STIM2: variants seen among roughly 807,000 people sequenced by gnomAD.
STIM2 encodes the protein stromal interaction molecule 2.
In STIM2, 31 loss-of-function variants were observed where a neutral mutation model predicts 85.8. That is an observed-to-expected ratio of 0.36 (90% CI 0.27 to 0.49). STIM2 has a LOEUF of 0.49. STIM2 is among the 20% of genes least tolerant of loss of function. STIM2 has a pLI of 0.98. For missense variants in STIM2, 841 were observed against 927.6 expected, an observed-to-expected ratio of 0.91 and a Z score of 1.21; for synonymous variants, 356 against 331.1, an observed-to-expected ratio of 1.08 and a Z score of -0.82.
Position 27,010,042 on chromosome 4 carries a change from A to G in STIM2, c.1489+1040A>G, listed in dbSNP as rs565334509. Among the ~76,000 whole-genome samples the G allele has an allele frequency of 3.3e-5, 5 of 152,332 alleles. No homozygotes were observed. In the East Asian group the frequency reaches 7.7e-4, roughly 24 times the overall value. The stretch of plus-strand genomic sequence containing the variant: ...TCCATATGTCCGTTAAAAGGAAACA[A>G]TTGTACTAAATGTGAATAATTATTC... On this transcript the variant is annotated intron_variant, in intron 10 of 11. Coordinates refer to ENST00000467087, the MANE Select transcript of STIM2 (RefSeq NM_020860.4).
intron 1 of STIM2, among the ~76,000 whole-genome samples, chr4:26,917,564 C>T (rs1122045): frequency 2.1e-5 from 3 of 145,812 alleles, no homozygotes; most frequent in African/African-American, 5.0e-5. Flanking sequence ...TTATGAAATA[C>T]GCCTATTTAA....
rs541976941 is a variant in STIM2 at position 26,861,469 on chromosome 4, G to C, written c.151+100G>C. 36 of 1,233,188 alleles carry C rather than the reference G, an allele frequency of 2.9e-5. 1 individual carries two copies. In the South Asian group the frequency reaches 8.0e-4, roughly 27 times the overall value. 76.4% of individuals were successfully genotyped at this position (1,233,188 alleles called of 1,614,324 possible). On this transcript the variant is annotated intron_variant, in intron 1 of 11. Coordinates refer to ENST00000467087, the MANE Select transcript of STIM2 (RefSeq NM_020860.4). ...CTCCGCCGGACGTCCGCTATTCCGC[G>C]GCTCCGGCCAGGGCGCGATGCGGAG...
intron 3 of STIM2, among the ~76,000 whole-genome samples, chr4:26,988,811 AG>A (rs1418552803): frequency 3.3e-5 from 5 of 152,236 alleles, no homozygotes; most frequent in Non-Finnish European, 7.3e-5. Flanking sequence ...GAAAGTTCTT[AG>A]GGCCATTCTT....
At chr4:26,910,799 G>A (rs1328362438) in intron 1 of STIM2, among the ~76,000 whole-genome samples, 1 of 152,168 alleles carries the variant, frequency 6.6e-6, no homozygotes, top group Admixed American at 6.5e-5. Context: ...GAGATCAGCA[G>A]GAATTTAAGT....
At chr4:26,960,175 T>G (rs1726394575) in intron 3 of STIM2, among the ~76,000 whole-genome samples, 1 of 152,210 alleles carries the variant, frequency 6.6e-6, no homozygotes, top group Non-Finnish European at 1.5e-5. Context: ...TCTGTTATAT[T>G]TTGTTTCTGT....
intron 4 of STIM2, among the ~76,000 whole-genome samples, chr4:26,997,785 G>T (rs572091844): frequency 6.6e-5 from 10 of 152,346 alleles, no homozygotes; most frequent in Admixed American, 6.5e-4. Context: ...TGTTAAAGGT[G>T]TAAGGGAAGC....
intron 3 of STIM2, 25 bp downstream of exon 3, chr4:26,957,751 C>T (rs2109093601): frequency 6.9e-7 from 1 of 1,452,164 alleles, no homozygotes. Context: ...GTGATCTGGC[C>T]CCCTCCCCTT....
chr4:26,871,414 C>T (rs1301317972), intron 1 of STIM2, among the ~76,000 whole-genome samples: 2 of 151,944 alleles, frequency 1.3e-5, no homozygotes, highest in South Asian at 2.1e-4. Flanking sequence ...TGTCCAATGG[C>T]CTTATGAGTT....
intron 2 of STIM2, among the ~76,000 whole-genome samples, chr4:26,948,624 A>T (rs1725933616): frequency 1.3e-5 from 2 of 152,156 alleles, no homozygotes; most frequent in African/African-American, 2.4e-5. Flanking sequence ...ACCCCTCCCC[A>T]AAACTTCATA....
chr4:26,886,875 G>C (rs1723270530), intron 1 of STIM2, among the ~76,000 whole-genome samples: 1 of 152,194 alleles, frequency 6.6e-6, no homozygotes, highest in African/African-American at 2.4e-5. Context: ...TCTAGTCTTA[G>C]AGCAGGGAGA....
At chr4:26,880,136 C>A (rs2109035409) in intron 1 of STIM2, among the ~76,000 whole-genome samples, 1 of 152,294 alleles carries the variant, frequency 6.6e-6, no homozygotes, top group East Asian at 1.9e-4. Context: ...CCCTGTCTAC[C>A]TTTGTAGCTT....
In STIM2 at chr4:26,988,951, G is replaced by T. The variant is rs116001742; in HGVS notation, c.398-6428G>T. Reference sequence around the variant, plus strand: ...TTTAAATGAAATTTTTCTTTGGAGTGGGGGACGGAGTCTCACTCTGTCTCC... The same window carrying T: ...TTTAAATGAAATTTTTCTTTGGAGTTGGGGACGGAGTCTCACTCTGTCTCC... On this transcript the variant is annotated intron_variant, in intron 3 of 11. Transcript: ENST00000467087. 2.0e-3 allele frequency among the ~76,000 whole-genome samples: 306 copies of T among 152,204 alleles called. 1 individual carries two copies. The highest frequency in any genetic ancestry group is 7.0e-3 in the African/African-American group (292 of 41,550).
At position 26,860,951 on chromosome 4, in the gene STIM2, G is replaced by A; in HGVS notation, c.-268G>A. The A allele has an allele frequency of 1.7e-6, 2 of 1,206,686 alleles. No homozygotes were observed. The highest frequency in any genetic ancestry group is 2.1e-6 in the Non-Finnish European group (2 of 958,600). The allele number at this position is 1,206,686 out of a possible 1,614,324, so 74.7% of individuals were successfully genotyped here. ...TTTTTTTTTTTTTTTTTAAATAACCGGAACCAATGAACGCAGCCGGGATCA... is the reference window on the plus strand; with the variant it reads ...TTTTTTTTTTTTTTTTTAAATAACCAGAACCAATGAACGCAGCCGGGATCA... On this transcript the variant is annotated 5_prime_UTR_variant, in exon 1 of 12. Transcript: ENST00000467087.
At chr4:26,886,076 A>C (rs1291020446) in intron 1 of STIM2, among the ~76,000 whole-genome samples, 2 of 151,860 alleles carry the variant, frequency 1.3e-5, no homozygotes, top group African/African-American at 4.8e-5. Flanking sequence ...TCATAATTTG[A>C]GGTTCAGTGG....
In STIM2 at chr4:26,917,348, T is replaced by C. The variant is rs1481714504; in HGVS notation, c.152-2156T>C. 1.3e-5 allele frequency among the ~76,000 whole-genome samples: 2 copies of C among 152,194 alleles called. 1 individual carries two copies. Among genetic ancestry groups the C allele is most frequent in the East Asian group, 3.8e-4 (2 of 5,200 alleles). ...AGTCCCCAGTAAAATATAAGTTTTATGAGGATTTTTGTCTGTTTTGTTCAC... is the reference window on the plus strand; with the variant it reads ...AGTCCCCAGTAAAATATAAGTTTTACGAGGATTTTTGTCTGTTTTGTTCAC... On this transcript the variant is annotated intron_variant, in intron 1 of 11. Transcript: ENST00000467087.
intron 3 of STIM2, among the ~76,000 whole-genome samples, chr4:26,972,685 A>G (rs1341202478): frequency 1.3e-5 from 2 of 152,148 alleles, no homozygotes; most frequent in Non-Finnish European, 2.9e-5. Flanking sequence ...GATCAGGGAT[A>G]TTGGTCTAAA....
chr4:26,900,228 C>G (rs1488876299), intron 1 of STIM2, among the ~76,000 whole-genome samples: 1 of 152,138 alleles, frequency 6.6e-6, no homozygotes, highest in Non-Finnish European at 1.5e-5. Context: ...ACCCAGTCTT[C>G]CTGCTTTCCA....
At chr4:26,991,498 G>C (rs1046663389) in intron 3 of STIM2, among the ~76,000 whole-genome samples, 2 of 152,036 alleles carry the variant, frequency 1.3e-5, no homozygotes, top group African/African-American at 4.8e-5. Context: ...ATAAGTTCTA[G>C]TATTTGATAC....
intron 1 of STIM2, among the ~76,000 whole-genome samples, chr4:26,906,296 G>A (rs1330160925): frequency 6.6e-6 from 1 of 152,062 alleles, no homozygotes; most frequent in African/African-American, 2.4e-5. Flanking sequence ...TGGGAGGGAG[G>A]TGAAGATTGA....
Sources: gnomAD v4.1 joint callset for allele counts (sites outside exome capture counted in the v4.1 genomes callset) on GRCh38, gnomAD v4.1.1 for gene constraint, MANE v1.5 for transcripts, NCBI Gene and HGNC (gene_info 2026-07-23, HGNC 2026-07-21) for gene names.